USP7: variants seen among roughly 807,000 people sequenced by gnomAD.
The protein encoded by USP7 is ubiquitin specific peptidase 7.
USP7 carries 9 observed loss-of-function variants against 162.9 expected under a neutral mutation model. The observed-to-expected ratio is 0.06, with a 90% CI of 0.03 to 0.10. USP7 has a LOEUF of 0.10. Ranked by LOEUF, USP7 falls within the 10% of genes least tolerant of loss-of-function variation. The pLI is 1.00. For synonymous variants in USP7, 562 were observed against 475.9 expected, an observed-to-expected ratio of 1.18 and a Z score of -2.35; for missense variants, 715 against 1,373.7, an observed-to-expected ratio of 0.52 and a Z score of 7.58.
intron 10 of USP7, among the ~76,000 whole-genome samples, chr16:8,914,114 A>C (rs1401736613): frequency 6.6e-6 from 1 of 152,104 alleles, no homozygotes; most frequent in Non-Finnish European, 1.5e-5. Context: ...CCAATACTAA[A>C]ATTGTTAAAG....
At position 8,904,116 on chromosome 16, in the gene USP7, T is replaced by G. The variant is rs187435659; in HGVS notation, c.1704+319A>C. On this transcript the variant is annotated intron_variant, in intron 15 of 30. Transcript: ENST00000344836. ...TCTGCCCGCCACCAACAGGGCCAGG[T>G]GTTACAAATACTCAGGCAGCTGCCC... Among the ~76,000 whole-genome samples, 13 of 152,238 alleles carry G rather than the reference T, an allele frequency of 8.5e-5. 1 individual carries two copies. The East Asian group carries it at 2.3e-3, about 27-fold the overall frequency.
rs763956429 is a variant in USP7, at chr16:8,901,134, G to A, written c.2140+8C>T. 1 of 1,613,584 alleles carries A rather than the reference G, an allele frequency of 6.2e-7. No homozygotes were observed. Among genetic ancestry groups the A allele is most frequent in the South Asian group, 1.1e-5 (1 of 91,070 alleles). On this transcript the variant is annotated splice_region_variant and intron_variant, in intron 19 of 30. Transcript: ENST00000344836. ...TCTACTCAGAAGGTAAGTGCACGAAGGACTTACGTATTTTACAGGATATTG... is the reference window on the plus strand; with the variant it reads ...TCTACTCAGAAGGTAAGTGCACGAAAGACTTACGTATTTTACAGGATATTG...
At chr16:8,899,992 C>A in intron 21 of USP7, 2 of 588,648 alleles carry the variant, frequency 3.4e-6, no homozygotes, top group South Asian at 4.2e-5. Context: ...TCTCATCCCA[C>A]TACAAAACAA....
intron 1 of USP7, among the ~76,000 whole-genome samples, chr16:8,937,328 T>C (rs535685886): frequency 6.6e-6 from 1 of 152,014 alleles, no homozygotes; most frequent in Non-Finnish European, 1.5e-5. Context: ...GCGGATCACC[T>C]GAGGCCAGAA....
chr16:8,905,380 T>C (rs2061843835), intron 13 of USP7, 49 bp from the exon 14 acceptor site: 1 of 1,600,226 alleles, frequency 6.2e-7, no homozygotes, highest in Non-Finnish European at 8.6e-7. Context: ...CTGTGACAAG[T>C]ACCCAACACT....
At chr16:8,901,108 A>T in intron 19 of USP7, 34 bp downstream of exon 19, 1 of 1,612,460 alleles carries the variant, frequency 6.2e-7, no homozygotes, top group Non-Finnish European at 8.5e-7. Context: ...ACTGAGCAAA[A>T]TCTACTCAGA....
At position 8,917,095 on chromosome 16, in the gene USP7, T is replaced by C; in HGVS notation, c.782A>G (p.Gln261Arg). ...DSSKSVPLAL[Q>R]RVFYELQHSD... ...ATGCTGTAATTCATAGAACACTCTT[T>C]GTAATGCTAAAGGGACGCTTTTAGA... Residue 261 changes from glutamine (Q) to arginine (R), a missense_variant, in exon 7 of 31, where the codon CAA (glutamine) becomes CGA (arginine). Transcript: ENST00000344836. The C allele has an allele frequency of 6.2e-7, 1 of 1,613,760 alleles. No homozygotes were observed. The highest frequency in any genetic ancestry group is 8.5e-7 in the Non-Finnish European group (1 of 1,179,940).
chr16:8,933,982 C>A (rs570614430), intron 1 of USP7, among the ~76,000 whole-genome samples: 26 of 152,276 alleles, frequency 1.7e-4, no homozygotes, highest in African/African-American at 6.0e-4. Context: ...GTCTCAAACT[C>A]ATGACCTCAA....
intron 13 of USP7, among the ~76,000 whole-genome samples, 200 bp downstream of exon 13, chr16:8,906,226 G>A (rs1365381902): frequency 6.6e-6 from 1 of 152,222 alleles, no homozygotes. Flanking sequence ...CTCACAAAGA[G>A]AAGCACAAAT....
chr16:8,947,353 C>A (rs113023041), intron 1 of USP7, among the ~76,000 whole-genome samples: 8,376 of 151,948 alleles, frequency 0.055, 266 homozygotes, highest in Middle Eastern at 0.15. Flanking sequence ...CACTCCCCCC[C>A]CCAACACACA....
chr16:8,915,372 T>A (rs2062012019), intron 9 of USP7, 28 bp from the exon 10 acceptor site: 1 of 1,613,144 alleles, frequency 6.2e-7, no homozygotes, highest in African/African-American at 1.3e-5. Context: ...AAAAGTGGTT[T>A]AACTAGTAAT....
At chr16:8,926,911 CA>C (rs1898034883) in intron 2 of USP7, among the ~76,000 whole-genome samples, 1 of 152,188 alleles carries the variant, frequency 6.6e-6, no homozygotes, top group South Asian at 2.1e-4. Context: ...ACTCTTGTAC[CA>C]GGGGCAGGGA....
intron 1 of USP7, chr16:8,936,599 G>A: frequency 6.4e-7 from 1 of 1,555,402 alleles, no homozygotes; most frequent in Non-Finnish European, 8.6e-7. Context: ...GCCCAAGCCT[G>A]TGGTTCCCAG....
At position 8,893,277 on chromosome 16, in the gene USP7, GT is replaced by G. The variant is rs2061629079; in HGVS notation, c.*720del. On this transcript the variant is annotated 3_prime_UTR_variant, in exon 31 of 31. Transcript: ENST00000344836. ...CTCGTATGAACTGTTGAGATCGTAA[GT>G]CTGCCAAGGCAGCAGAGTAAACCTT... 1 of 152,194 alleles carries G rather than the reference GT, an allele frequency of 6.6e-6. No homozygotes were observed. 9.4% of individuals were successfully genotyped at this position (152,194 alleles called of 1,614,324 possible). A position where few individuals can be genotyped will look rare whatever the true frequency, so the allele number is the denominator to read the frequency against.
intron 6 of USP7, among the ~76,000 whole-genome samples, chr16:8,918,797 A>G (rs985169772): frequency 4.6e-5 from 7 of 152,234 alleles, no homozygotes; most frequent in African/African-American, 1.7e-4. Context: ...CGACAGAGCA[A>G]GACTCCATCT....
At chr16:8,951,454 G>A (rs1013788559) in intron 1 of USP7, among the ~76,000 whole-genome samples, 1 of 152,066 alleles carries the variant, frequency 6.6e-6, no homozygotes, top group Non-Finnish European at 1.5e-5. Context: ...ACAGCCCGGG[G>A]AGCAGGGGGC....
At chr16:8,895,821 A>G in intron 26 of USP7, 80 bp from the exon 27 acceptor site, 1 of 1,046,988 alleles carries the variant, frequency 9.6e-7, no homozygotes, top group Non-Finnish European at 1.4e-6. Context: ...CTAGAAAGAA[A>G]TAAAGTTACC....
At chr16:8,937,403 G>C (rs191638666) in intron 1 of USP7, among the ~76,000 whole-genome samples, 12 of 152,246 alleles carry the variant, frequency 7.9e-5, no homozygotes, top group Admixed American at 5.9e-4. Flanking sequence ...TTAGCCAGAC[G>C]TGGTGGCGCA....
chr16:8,933,615 C>A (rs1015996955), intron 1 of USP7, among the ~76,000 whole-genome samples: 1 of 152,102 alleles, frequency 6.6e-6, no homozygotes, highest in Non-Finnish European at 1.5e-5. Flanking sequence ...TGTGTATGCG[C>A]TATCATTTTT....
Sources: allele counts gnomAD v4.1 joint callset (sites outside exome capture counted in the v4.1 genomes callset), GRCh38; gene constraint gnomAD v4.1.1; transcripts MANE v1.5; gene names NCBI Gene and HGNC (gene_info 2026-07-23, HGNC 2026-07-21).